OSBPL2: variants seen among roughly 807,000 people sequenced by gnomAD.
OSBPL2 encodes oxysterol-binding protein-related protein 2.
OSBPL2 carries 18 observed loss-of-function variants against 58.4 expected under a neutral mutation model. That is an observed-to-expected ratio of 0.31 (90% CI 0.21 to 0.46). The LOEUF (loss-of-function observed/expected upper bound fraction) is 0.46. Ranked by LOEUF, OSBPL2 falls within the 20% of genes least tolerant of loss-of-function variation. The probability of loss-of-function intolerance (pLI) is 1.00; values close to 1 mark genes in which losing one functional copy is unlikely to be tolerated. For missense variants in OSBPL2, 461 were observed against 616.5 expected, an observed-to-expected ratio of 0.75 and a Z score of 2.67; for synonymous variants, 221 against 234.1, an observed-to-expected ratio of 0.94 and a Z score of 0.51.
At position 62,269,108 on chromosome 20, in the gene OSBPL2, C is replaced by G. The variant is rs1477057174; in HGVS notation, c.259-3017C>G. Reference sequence around the variant, plus strand: ...TAGAGACGGGGTCTCACTTTGTTGCCCAGGCTGGTCTTAAACTCCTGGCCT... The same window carrying G: ...TAGAGACGGGGTCTCACTTTGTTGCGCAGGCTGGTCTTAAACTCCTGGCCT... On this transcript the variant is annotated intron_variant, in intron 4 of 13. Coordinates refer to ENST00000313733, the MANE Select transcript of OSBPL2 (RefSeq NM_144498.4). This position sits in a 1 kb window ranked among gnomAD's most constrained non-coding sequence, Gnocchi z 4.2. Among the ~76,000 whole-genome samples, 2 of 152,056 alleles carry G rather than the reference C, an allele frequency of 1.3e-5. No homozygotes were observed. Among genetic ancestry groups the G allele is most frequent in the Non-Finnish European group, 2.9e-5 (2 of 68,012 alleles).
chr20:62,243,796 A>G (rs535185795), intron 1 of OSBPL2, among the ~76,000 whole-genome samples: 10 of 152,144 alleles, frequency 6.6e-5, no homozygotes, highest in African/African-American at 2.4e-4. Context: ...GTGGGTCATT[A>G]TTCTGGGGAA....
intron 2 of OSBPL2, chr20:62,258,877 G>A (rs958652890): frequency 6.6e-6 from 1 of 152,224 alleles, no homozygotes; most frequent in Non-Finnish European, 1.5e-5. Context: ...AGATGGCAGG[G>A]TATTTCAGAA....
At chr20:62,240,206 C>CA (rs1478435076) in intron 1 of OSBPL2, among the ~76,000 whole-genome samples, 1 of 152,120 alleles carries the variant, frequency 6.6e-6, no homozygotes, top group African/African-American at 2.4e-5. Flanking sequence ...CCCGGAATGC[C>CA]AGTTACCTTC....
chr20:62,251,913 G>T (rs1281835490), intron 1 of OSBPL2, among the ~76,000 whole-genome samples: 1 of 103,932 alleles, frequency 9.6e-6, no homozygotes, highest in African/African-American at 3.7e-5. Context: ...ACAGGGTCTT[G>T]CTCTGTCACT....
chr20:62,243,238 G>T (rs939938630), intron 1 of OSBPL2, among the ~76,000 whole-genome samples: 1 of 152,246 alleles, frequency 6.6e-6, no homozygotes, highest in Admixed American at 6.5e-5. Context: ...CGAGTGCCCT[G>T]GCTCTGGCTT....
chr20:62,260,084 T>G lies in OSBPL2; in HGVS notation c.141T>G (p.Thr47=). The part of the protein sequence containing the change: ...DTSKNNRIGK[T]GERPSQENGI... ...GCAAAAATAATAGGATTGGGAAAAC[T>G]GGGGAGAGGCCCTCTCAAGAGAACG... The change falls in exon 3 of 14, where the codon ACT becomes ACG. Residue 47 remains threonine (T), a synonymous_variant. Coordinates refer to ENST00000313733, the MANE Select transcript of OSBPL2 (RefSeq NM_144498.4). 4 of 1,613,958 alleles carry G rather than the reference T, an allele frequency of 2.5e-6. No homozygotes were observed. The highest frequency in any genetic ancestry group is 3.4e-6 in the Non-Finnish European group (4 of 1,179,892).
intron 9 of OSBPL2, among the ~76,000 whole-genome samples, chr20:62,283,144 C>T (rs1982897566): frequency 6.6e-6 from 1 of 152,018 alleles, no homozygotes; most frequent in South Asian, 2.1e-4. Flanking sequence ...CATGTTTTTC[C>T]AGAACCGGGC....
At position 62,269,157 on chromosome 20, in the gene OSBPL2, C is replaced by T. The variant is rs1981889164; in HGVS notation, c.259-2968C>T. Among the ~76,000 whole-genome samples the T allele has an allele frequency of 6.6e-6, 1 of 152,176 alleles. No homozygotes were observed. Among genetic ancestry groups the T allele is most frequent in the African/African-American group, 2.4e-5 (1 of 41,444 alleles). On this transcript the variant is annotated intron_variant, in intron 4 of 13. Coordinates refer to ENST00000313733, the MANE Select transcript of OSBPL2 (RefSeq NM_144498.4). The surrounding 1 kb of genome is among the most constrained non-coding windows in gnomAD (Gnocchi z 4.2). ...CTTAAGTGATCCTCCCCGCCTTGGC[C>T]CTGCAAAGTGTTGGAATTACAGGCG...
chr20:62,275,930 G>A (rs972049133), intron 6 of OSBPL2, among the ~76,000 whole-genome samples: 39 of 126,358 alleles, frequency 3.1e-4, no homozygotes, highest in African/African-American at 1.1e-3. Context: ...TTTTTTTTGA[G>A]ACGGAATCTC....
At chr20:62,249,878 C>G (rs1235962310) in intron 1 of OSBPL2, among the ~76,000 whole-genome samples, 1 of 152,236 alleles carries the variant, frequency 6.6e-6, no homozygotes, top group Non-Finnish European at 1.5e-5. Context: ...CTGGCCCCAC[C>G]CAGGCCTCTG....
At chr20:62,293,620 C>T (rs138583726) in intron 13 of OSBPL2, among the ~76,000 whole-genome samples, 165 bp from the exon 14 acceptor site, 3 of 152,370 alleles carry the variant, frequency 2.0e-5, no homozygotes, top group East Asian at 1.9e-4. Flanking sequence ...CACATGACCA[C>T]GTGATCAATA....
chr20:62,263,450 G>A (rs1257086476), intron 3 of OSBPL2, among the ~76,000 whole-genome samples, 166 bp from the exon 4 acceptor site: 2 of 152,216 alleles, frequency 1.3e-5, no homozygotes, highest in African/African-American at 4.8e-5. Flanking sequence ...GGTGTGGAAG[G>A]CCTCTAGGCA....
intron 13 of OSBPL2, among the ~76,000 whole-genome samples, chr20:62,293,244 C>T (rs1006753389): frequency 1.3e-5 from 2 of 152,094 alleles, no homozygotes; most frequent in African/African-American, 4.8e-5. Flanking sequence ...ATGTCTTCTC[C>T]TTTGTGAGCG....
Position 62,281,787 on chromosome 20 carries a change from C to T in OSBPL2, c.783-3C>T. 6.3e-7 allele frequency: 1 copy of T among 1,597,028 alleles called. No individual in the cohort carries two copies. The highest frequency in any genetic ancestry group is 8.6e-7 in the Non-Finnish European group (1 of 1,165,380). The stretch of plus-strand genomic sequence containing the variant: ...CAGAAACCTGTGTTTGTTTTTCTCA[C>T]AGAACTGGACATAAGTGTGTGCTTC... On this transcript the variant is annotated splice_polypyrimidine_tract_variant and splice_region_variant and intron_variant, in intron 8 of 13. Transcript: ENST00000313733.
intron 6 of OSBPL2, among the ~76,000 whole-genome samples, chr20:62,276,505 C>T (rs951797645): frequency 4.6e-5 from 7 of 152,234 alleles, no homozygotes; most frequent in African/African-American, 1.4e-4. Context: ...GCTGCTGGTC[C>T]TTACCCACAT....
At chr20:62,250,467 C>T (rs1980449208) in intron 1 of OSBPL2, among the ~76,000 whole-genome samples, 1 of 152,184 alleles carries the variant, frequency 6.6e-6, no homozygotes, top group Admixed American at 6.5e-5. Flanking sequence ...CTTGGTTGGA[C>T]CACACGGCAC....
intron 4 of OSBPL2, among the ~76,000 whole-genome samples, chr20:62,266,782 A>T (rs1981695789): frequency 6.6e-6 from 1 of 152,190 alleles, no homozygotes; most frequent in Admixed American, 6.5e-5. Flanking sequence ...CTGTGATATT[A>T]TTATTATACT....
chr20:62,279,764 T>G (rs1450955303), intron 7 of OSBPL2, among the ~76,000 whole-genome samples: 1 of 152,096 alleles, frequency 6.6e-6, no homozygotes, highest in Non-Finnish European at 1.5e-5. Context: ...GCAATGAGGG[T>G]TGGGTTGCCC....
chr20:62,258,740 T>C (rs1323406454), intron 2 of OSBPL2, among the ~76,000 whole-genome samples: 1 of 152,222 alleles, frequency 6.6e-6, no homozygotes, highest in Non-Finnish European at 1.5e-5. Flanking sequence ...CGGGATGTGC[T>C]GCTTTATTCT....
Sources: gnomAD v4.1 joint callset for allele counts (sites outside exome capture counted in the v4.1 genomes callset) on GRCh38, gnomAD v4.1.1 for gene constraint, Gnocchi (gnomAD v3.1) non-coding constraint, MANE v1.5 for transcripts, NCBI Gene and HGNC (gene_info 2026-07-23, HGNC 2026-07-21) for gene names.